FBXL7: variants seen among roughly 807,000 people sequenced by gnomAD.
FBXL7 encodes the protein F-box/LRR-repeat protein 7.
Under a neutral mutation model 38.3 loss-of-function variants are expected in FBXL7, and 12 were observed. The observed-to-expected ratio is 0.31, with a 90% confidence interval of 0.20 to 0.51. The LOEUF is 0.51. Among genes scored for constraint, FBXL7 ranks in the 20% least tolerant of loss-of-function variants. The probability of loss-of-function intolerance (pLI) is 0.98; values close to 1 mark genes in which losing one functional copy is unlikely to be tolerated. For missense variants in FBXL7, 567 were observed against 676.4 expected (o/e 0.84, Z 1.79); for synonymous variants, 297 against 300.9 (o/e 0.99, Z 0.13).
At position 15,936,941 on chromosome 5, in the gene FBXL7, A is replaced by C; in HGVS notation, c.1231A>C (p.Lys411Gln). The change falls in exon 4 of 4, where the codon AAA (lysine) becomes CAA (glutamine). Residue 411 changes from lysine to glutamine, a missense_variant. Transcript: ENST00000504595. The surrounding 1 kb of genome is among the most constrained non-coding windows in gnomAD (Gnocchi z 6.0). ...CTKLKSLDIGKCPLVSDTGLE... is the reference protein window; with the variant it reads ...CTKLKSLDIGQCPLVSDTGLE... ...CAAACTCAAATCCCTGGATATCGGC[A>C]AATGCCCTTTGGTATCCGACACGGG... 6.2e-7 allele frequency: 1 copy of C among 1,614,068 alleles called. No individual in the cohort carries two copies. The highest frequency in any genetic ancestry group is 1.1e-5 in the South Asian group (1 of 91,082).
At chr5:15,586,601 A>T (rs375640408) in intron 1 of FBXL7, among the ~76,000 whole-genome samples, 1 of 152,116 alleles carries the variant, frequency 6.6e-6, no homozygotes, top group Non-Finnish European at 1.5e-5. Context: ...TCATGTTTCA[A>T]AAAACTACTC....
At chr5:15,760,576 T>C (rs1190032360) in intron 2 of FBXL7, among the ~76,000 whole-genome samples, 1 of 152,158 alleles carries the variant, frequency 6.6e-6, no homozygotes, top group African/African-American at 2.4e-5. Context: ...CTTTTTGACT[T>C]CTTGTTTGGA....
chr5:15,862,436 C>T (rs968738437), intron 2 of FBXL7, among the ~76,000 whole-genome samples: 3 of 152,170 alleles, frequency 2.0e-5, no homozygotes, highest in African/African-American at 7.2e-5. Context: ...TAAAAACAGA[C>T]TAATACAGAC....
chr5:15,804,747 C>T (rs1026939187), intron 2 of FBXL7, among the ~76,000 whole-genome samples: 1 of 152,096 alleles, frequency 6.6e-6, no homozygotes, highest in Non-Finnish European at 1.5e-5. Flanking sequence ...TGATTGTGAA[C>T]TGCACATGTG....
intron 2 of FBXL7, among the ~76,000 whole-genome samples, chr5:15,798,322 A>G (rs1478477957): frequency 6.6e-6 from 1 of 152,166 alleles, no homozygotes; most frequent in Admixed American, 6.5e-5. Context: ...TGGAAAAGCA[A>G]ATAAAAGCCA....
At chr5:15,533,871 A>G (rs973271609) in intron 1 of FBXL7, among the ~76,000 whole-genome samples, 1 of 152,214 alleles carries the variant, frequency 6.6e-6, no homozygotes, top group Non-Finnish European at 1.5e-5. Context: ...TACACTACAG[A>G]TAATGAGGCA....
intron 2 of FBXL7, among the ~76,000 whole-genome samples, chr5:15,763,906 T>C (rs113774235): frequency 6.6e-6 from 1 of 152,190 alleles, no homozygotes; most frequent in Non-Finnish European, 1.5e-5. Context: ...CCAGGAGCAC[T>C]GGTGATGTAA....
intron 2 of FBXL7, among the ~76,000 whole-genome samples, chr5:15,870,817 G>T (rs932161976): frequency 1.3e-5 from 2 of 152,178 alleles, no homozygotes; most frequent in African/African-American, 4.8e-5. Flanking sequence ...CCACTCAGGG[G>T]CTTATAGATA....
rs553206796 is a variant in FBXL7, at chr5:15,674,472, A to G, written c.127+58400A>G. ...GGTCTGCAGAGATAGTTAAATTAAC[A>G]TAGCAGATCCAACCAGGTTGGCTAT... On this transcript the variant is annotated intron_variant, in intron 2 of 3. Coordinates refer to ENST00000504595, the MANE Select transcript of FBXL7 (RefSeq NM_012304.5). Among the ~76,000 whole-genome samples, 18 of 152,362 alleles carry G rather than the reference A, an allele frequency of 1.2e-4. No homozygotes were observed. The East Asian group carries it at 3.3e-3, about 28-fold the overall frequency.
intron 1 of FBXL7, among the ~76,000 whole-genome samples, chr5:15,577,820 C>T (rs887176774): frequency 6.6e-6 from 1 of 152,184 alleles, no homozygotes; most frequent in Non-Finnish European, 1.5e-5. Context: ...AATCTGTGGT[C>T]ATGTTTCATC....
At chr5:15,644,216 TG>T (rs1741456442) in intron 2 of FBXL7, among the ~76,000 whole-genome samples, 1 of 148,268 alleles carries the variant, frequency 6.7e-6, no homozygotes, top group Admixed American at 7.0e-5. Context: ...CCCAGCACTT[TG>T]GGAGGCCGAA....
chr5:15,662,641 T>C (rs987585539), intron 2 of FBXL7, among the ~76,000 whole-genome samples: 5 of 152,238 alleles, frequency 3.3e-5, no homozygotes, highest in African/African-American at 9.6e-5. Context: ...GGGCTTTACA[T>C]TGAAGTCTTT....
chr5:15,676,289 A>G (rs1742652925), intron 2 of FBXL7, among the ~76,000 whole-genome samples: 1 of 152,202 alleles, frequency 6.6e-6, no homozygotes, highest in South Asian at 2.1e-4. Context: ...TTAAAAGTGA[A>G]CAAGGGAAGA....
intron 2 of FBXL7, among the ~76,000 whole-genome samples, chr5:15,839,133 T>G (rs75571022): frequency 0.013 from 2,023 of 151,982 alleles, 28 homozygotes; most frequent in East Asian, 0.077. Context: ...TGTTAGTACT[T>G]AGATTCTGAG....
At chr5:15,805,400 C>A (rs962978841) in intron 2 of FBXL7, among the ~76,000 whole-genome samples, 1 of 152,172 alleles carries the variant, frequency 6.6e-6, no homozygotes, top group Non-Finnish European at 1.5e-5. Context: ...GATATCCACA[C>A]TCTTTAAATT....
At chr5:15,780,341 A>T (rs1736961332) in intron 2 of FBXL7, among the ~76,000 whole-genome samples, 1 of 151,794 alleles carries the variant, frequency 6.6e-6, no homozygotes, top group Non-Finnish European at 1.5e-5. Context: ...AAAGCAAACC[A>T]AAAAACCCCA....
chr5:15,649,291 C>A (rs550903603), intron 2 of FBXL7, among the ~76,000 whole-genome samples: 7 of 152,286 alleles, frequency 4.6e-5, no homozygotes, highest in Non-Finnish European at 7.3e-5. Context: ...GCCCCTGCAC[C>A]TGGCTGATAT....
chr5:15,571,919 C>T (rs1738801577), intron 1 of FBXL7, among the ~76,000 whole-genome samples: 6 of 152,080 alleles, frequency 3.9e-5, no homozygotes, highest in Admixed American at 3.9e-4. Flanking sequence ...CCCACACATG[C>T]CCCATCTCTT....
At chr5:15,912,157 C>T (rs2126425788) in intron 2 of FBXL7, among the ~76,000 whole-genome samples, 1 of 59,752 alleles carries the variant, frequency 1.7e-5, no homozygotes, top group East Asian at 3.4e-4. Flanking sequence ...TCTCAGACTG[C>T]CGTGCTAGCA....
Sources: allele counts gnomAD v4.1 joint callset (sites outside exome capture counted in the v4.1 genomes callset), GRCh38; gene constraint gnomAD v4.1.1; non-coding constraint Gnocchi (gnomAD v3.1); transcripts MANE v1.5; gene names NCBI Gene and HGNC (gene_info 2026-07-23, HGNC 2026-07-21).